The following AOAH variants were observed in gnomAD, a reference collection of about 807,000 sequenced individuals.
AOAH encodes acyloxyacyl hydrolase, also known as acyloxyacyl hydrolase (neutrophil).
Under a neutral mutation model 92.2 loss-of-function variants are expected in AOAH, and 64 were observed. The observed-to-expected ratio is 0.69, with a 90% confidence interval of 0.57 to 0.86. The LOEUF is 0.86. Ranked by LOEUF, AOAH falls within the 40% of genes least tolerant of loss-of-function variation. The pLI, the probability that AOAH is intolerant of heterozygous loss-of-function variation, is 0.00. For missense variants in AOAH, 656 were observed against 694.6 expected, an observed-to-expected ratio of 0.94 and a Z score of 0.62; for synonymous variants, 263 against 254.5, an observed-to-expected ratio of 1.03 and a Z score of -0.32.
At chr7:36,665,528 CTT>C (rs756053217) in intron 3 of AOAH, among the ~76,000 whole-genome samples, 20 of 151,820 alleles carry the variant, frequency 1.3e-4, no homozygotes, top group Non-Finnish European at 2.6e-4. Context: ...AACCAGTAGA[CTT>C]TTTATTTCCT....
intron 11 of AOAH, among the ~76,000 whole-genome samples, chr7:36,615,499 T>C (rs1041846736): frequency 6.6e-6 from 1 of 152,204 alleles, no homozygotes; most frequent in African/African-American, 2.4e-5. Context: ...CGATAACTTA[T>C]GGCCACAGGA....
chr7:36,627,916 G>A (rs1156325874), intron 6 of AOAH, among the ~76,000 whole-genome samples: 1 of 152,120 alleles, frequency 6.6e-6, no homozygotes, highest in Non-Finnish European at 1.5e-5. Flanking sequence ...CATGAAACTG[G>A]GGCATTATGA....
intron 4 of AOAH, among the ~76,000 whole-genome samples, chr7:36,638,915 A>G (rs892876251): frequency 6.6e-6 from 1 of 152,166 alleles, no homozygotes; most frequent in Non-Finnish European, 1.5e-5. Flanking sequence ...AGCCCCTGAG[A>G]GTCCTCCACT....
At chr7:36,599,432 T>C (rs1052452817) in intron 11 of AOAH, among the ~76,000 whole-genome samples, 5 of 152,144 alleles carry the variant, frequency 3.3e-5, no homozygotes, top group African/African-American at 1.2e-4. Flanking sequence ...GCTCTCTCCA[T>C]CCTGCACTGC....
chr7:36,548,669 AC>A lies in AOAH; in HGVS notation c.1075del (p.Val359CysfsTer12), dbSNP rs2116309750. The A allele has an allele frequency of 2.5e-6, 4 of 1,613,554 alleles. No individual in the cohort carries two copies. The East Asian group carries it at 8.9e-5, about 36-fold the overall frequency. ...TATAACGATGGCGGGATAGTCCAAC[AC>A]CTTGTTTCTAGACAAGCTGAGAAGG... ...KFIESLSRNK[V>X]LDYPAIVIYA... On this transcript the variant is annotated frameshift_variant, in exon 15 of 21. Transcript: ENST00000617537. LOFTEE classifies it high-confidence loss of function.
chr7:36,660,189 C>A (rs1350079307), intron 3 of AOAH, among the ~76,000 whole-genome samples: 1 of 152,214 alleles, frequency 6.6e-6, no homozygotes, highest in Non-Finnish European at 1.5e-5. Flanking sequence ...CCCACTTGCA[C>A]CCAAGTGAAT....
intron 13 of AOAH, among the ~76,000 whole-genome samples, chr7:36,552,573 T>C (rs2893530): frequency 0.82 from 124,659 of 152,118 alleles, 51,747 homozygotes; most frequent in South Asian, 0.9. Flanking sequence ...TTTGAGGAAG[T>C]GCCACACTGT....
chr7:36,670,321 A>G (rs1795839297), intron 3 of AOAH, among the ~76,000 whole-genome samples: 1 of 152,210 alleles, frequency 6.6e-6, no homozygotes, highest in Non-Finnish European at 1.5e-5. Context: ...AACATGCCCA[A>G]TGAGGAAACA....
At chr7:36,540,139 C>T (rs967969061) in intron 16 of AOAH, among the ~76,000 whole-genome samples, 180 bp downstream of exon 16, 8 of 148,076 alleles carry the variant, frequency 5.4e-5, no homozygotes, top group African/African-American at 1.1e-4. Context: ...GGATCTGATT[C>T]GGCTCACCTC....
intron 12 of AOAH, among the ~76,000 whole-genome samples, chr7:36,586,566 C>T (rs754335034): frequency 9.2e-5 from 14 of 152,178 alleles, no homozygotes; most frequent in Non-Finnish European, 1.6e-4. Flanking sequence ...TCAGCATCTC[C>T]TAGCCTCTCT....
chr7:36,647,361 G>T (rs1354965465), intron 4 of AOAH, among the ~76,000 whole-genome samples: 1 of 152,180 alleles, frequency 6.6e-6, no homozygotes, highest in African/African-American at 2.4e-5. Flanking sequence ...TGGGAGAGCA[G>T]TGATTAAAGC....
chr7:36,697,580 A>G (rs1245740919), intron 1 of AOAH, among the ~76,000 whole-genome samples: 1 of 152,220 alleles, frequency 6.6e-6, no homozygotes, highest in African/African-American at 2.4e-5. Flanking sequence ...ATTTTATGAA[A>G]GAAATTGTGT....
chr7:36,570,062 A>AT (rs1225824247), intron 13 of AOAH, among the ~76,000 whole-genome samples: 7 of 152,184 alleles, frequency 4.6e-5, no homozygotes, highest in Non-Finnish European at 7.3e-5. Flanking sequence ...TAAGCGCACA[A>AT]TACAGTACTA....
chr7:36,634,815 A>T (rs1410649779), intron 5 of AOAH, among the ~76,000 whole-genome samples: 5 of 152,222 alleles, frequency 3.3e-5, no homozygotes, highest in Non-Finnish European at 5.9e-5. Context: ...TTAAAAATTG[A>T]TATGAACAGT....
chr7:36,707,627 T>C (rs1798508808), intron 1 of AOAH, among the ~76,000 whole-genome samples: 1 of 152,178 alleles, frequency 6.6e-6, no homozygotes, highest in African/African-American at 2.4e-5. Context: ...TACTACCTTC[T>C]GGCCTAAAAA....
At chr7:36,716,627 G>GA (rs1799193552) in intron 1 of AOAH, among the ~76,000 whole-genome samples, 1 of 71,004 alleles carries the variant, frequency 1.4e-5, no homozygotes, top group South Asian at 5.1e-4. Context: ...TACACACCAT[G>GA]GAATACTATG....
chr7:36,700,074 C>G (rs1797941822), intron 1 of AOAH, among the ~76,000 whole-genome samples: 1 of 151,706 alleles, frequency 6.6e-6, no homozygotes, highest in Non-Finnish European at 1.5e-5. Context: ...GTTGTATGTT[C>G]CCGGTGTCTT....
intron 6 of AOAH, among the ~76,000 whole-genome samples, chr7:36,623,543 T>G (rs2116105394): frequency 6.6e-6 from 1 of 152,354 alleles, no homozygotes; most frequent in Non-Finnish European, 1.5e-5. Flanking sequence ...ATGTTGAGAT[T>G]CCCAGGAAAT....
In AOAH at chr7:36,607,506, C is replaced by G. The variant is rs114225945; in HGVS notation, c.846+8874G>C. Among the ~76,000 whole-genome samples the G allele has an allele frequency of 3.3e-5, 5 of 152,162 alleles. No homozygotes were observed. The South Asian group carries it at 1.0e-3, about 31-fold the overall frequency. On this transcript the variant is annotated intron_variant, in intron 11 of 20. Coordinates refer to ENST00000617537, the MANE Select transcript of AOAH (RefSeq NM_001637.4). ...ATAGGGTGCAATGAGACAACTCCTT[C>G]CTTTTTCCCACTGCACACTCATCTG...
Sources: allele counts gnomAD v4.1 joint callset (sites outside exome capture counted in the v4.1 genomes callset), GRCh38; gene constraint gnomAD v4.1.1; transcripts MANE v1.5; gene names NCBI Gene and HGNC (gene_info 2026-07-23, HGNC 2026-07-21).